Variants in PTPRK observed in about 807,000 individuals in gnomAD.
PTPRK encodes protein tyrosine phosphatase receptor type K.
In PTPRK, 75 loss-of-function variants were observed where a neutral mutation model predicts 178.0. That is an observed-to-expected ratio of 0.42 (90% CI 0.35 to 0.51). The LOEUF is 0.51. PTPRK is among the 20% of genes least tolerant of loss of function. The pLI is 0.02. For missense variants in PTPRK, 1,441 were observed against 1,797.8 expected (o/e 0.80, Z 3.59); for synonymous variants, 637 against 620.6 (o/e 1.03, Z -0.39).
chr6:128,341,222 G>A (rs1273447641), intron 2 of PTPRK, among the ~76,000 whole-genome samples: 2 of 151,858 alleles, frequency 1.3e-5, no homozygotes, highest in Non-Finnish European at 2.9e-5. Context: ...TGCAAATAAT[G>A]CCTCTGAATT....
chr6:128,399,449 G>A (rs2128370389), intron 1 of PTPRK, among the ~76,000 whole-genome samples: 1 of 152,154 alleles, frequency 6.6e-6, no homozygotes, highest in African/African-American at 2.4e-5. Flanking sequence ...CCTTAATATT[G>A]TCTTTTAAAT....
intron 5 of PTPRK, among the ~76,000 whole-genome samples, chr6:128,227,879 G>A (rs1811622753): frequency 6.6e-6 from 1 of 151,840 alleles, no homozygotes. Flanking sequence ...TTAATTACTA[G>A]AAATTATGAG....
intron 13 of PTPRK, among the ~76,000 whole-genome samples, chr6:128,029,360 TA>T: frequency 6.6e-6 from 1 of 152,016 alleles, no homozygotes; most frequent in South Asian, 2.1e-4. Flanking sequence ...CTTCTCTTTA[TA>T]AACTACCCAG....
At chr6:128,400,361 C>T (rs1455181202) in intron 1 of PTPRK, among the ~76,000 whole-genome samples, 1 of 152,058 alleles carries the variant, frequency 6.6e-6, no homozygotes, top group South Asian at 2.1e-4. Context: ...TCTAAAGGAA[C>T]ATCATATGTT....
intron 7 of PTPRK, among the ~76,000 whole-genome samples, chr6:128,137,554 G>A (rs1384583453): frequency 6.6e-6 from 1 of 152,070 alleles, no homozygotes; most frequent in African/African-American, 2.4e-5. Flanking sequence ...ACTACGAACA[G>A]ATATCTCTTT....
At chr6:128,108,082 AC>A (rs1790029358) in intron 7 of PTPRK, among the ~76,000 whole-genome samples, 1 of 141,220 alleles carries the variant, frequency 7.1e-6, no homozygotes, top group African/African-American at 2.5e-5. Flanking sequence ...ACACACACAC[AC>A]ACACACACAC....
chr6:128,039,410 G>A (rs937608562), intron 13 of PTPRK, among the ~76,000 whole-genome samples: 2 of 152,070 alleles, frequency 1.3e-5, no homozygotes, highest in Non-Finnish European at 2.9e-5. Context: ...AAATAAGTCT[G>A]AAAAGAAATG....
chr6:128,322,439 C>A, intron 2 of PTPRK, 129 bp from the exon 3 acceptor site: 1 of 815,806 alleles, frequency 1.2e-6, no homozygotes. Context: ...AGAACACAGC[C>A]ACAGAAATAC....
chr6:128,062,018 C>T (rs1780923254), intron 13 of PTPRK: 2 of 152,134 alleles, frequency 1.3e-5, no homozygotes, highest in Non-Finnish European at 2.9e-5. Flanking sequence ...TGCCTCTTCC[C>T]AGTCATATGA....
chr6:128,010,590 T>C (rs544508560), intron 13 of PTPRK, among the ~76,000 whole-genome samples: 4 of 151,378 alleles, frequency 2.6e-5, no homozygotes, highest in South Asian at 4.1e-4. Context: ...AGGTTAACTA[T>C]TAATTTCTCA....
At chr6:128,214,249 T>C (rs984451464) in intron 6 of PTPRK, among the ~76,000 whole-genome samples, 1 of 152,068 alleles carries the variant, frequency 6.6e-6, no homozygotes, top group Non-Finnish European at 1.5e-5. Context: ...ATAAAGCAAG[T>C]GATTCCATGA....
At chr6:128,306,163 T>C (rs1333701283) in intron 3 of PTPRK, among the ~76,000 whole-genome samples, 1 of 152,134 alleles carries the variant, frequency 6.6e-6, no homozygotes, top group Non-Finnish European at 1.5e-5. Context: ...AGATGAGAAT[T>C]GGGTGGTGAC....
chr6:128,417,812 G>A (rs548197779), intron 1 of PTPRK, among the ~76,000 whole-genome samples: 5 of 152,164 alleles, frequency 3.3e-5, no homozygotes, highest in African/African-American at 1.2e-4. Context: ...AATTCCACAG[G>A]GAATCTTACG....
chr6:128,343,983 T>C (rs1376555976), intron 2 of PTPRK, among the ~76,000 whole-genome samples: 1 of 152,204 alleles, frequency 6.6e-6, no homozygotes, highest in Non-Finnish European at 1.5e-5. Context: ...TTCGTAACAC[T>C]TCCCTCTTTA....
chr6:128,422,282 C>T (rs1843569730), intron 1 of PTPRK, among the ~76,000 whole-genome samples: 1 of 152,088 alleles, frequency 6.6e-6, no homozygotes, highest in Non-Finnish European at 1.5e-5. Context: ...TCTCCCCCAC[C>T]TTCTCCCAAC....
intron 15 of PTPRK, among the ~76,000 whole-genome samples, chr6:128,004,506 A>T (rs1778202591): frequency 6.6e-6 from 1 of 151,826 alleles, no homozygotes. Context: ...GATGAATTTC[A>T]CTATGCCTTG....
intron 2 of PTPRK, among the ~76,000 whole-genome samples, chr6:128,366,481 A>G (rs1459270075): frequency 6.6e-6 from 1 of 152,176 alleles, no homozygotes; most frequent in Non-Finnish European, 1.5e-5. Flanking sequence ...ATCTCCATTT[A>G]CTAAGCATCT....
intron 3 of PTPRK, among the ~76,000 whole-genome samples, chr6:128,269,572 T>G (rs1361964847): frequency 6.6e-6 from 1 of 151,580 alleles, no homozygotes; most frequent in Non-Finnish European, 1.5e-5. Flanking sequence ...TTCTCCAAAG[T>G]CAGTTAAAGT....
At chr6:128,134,949 C>G (rs1246446420) in intron 7 of PTPRK, among the ~76,000 whole-genome samples, 1 of 152,116 alleles carries the variant, frequency 6.6e-6, no homozygotes. Context: ...AGGAAGAAAT[C>G]TGACTCTAGA....
Sources: allele counts gnomAD v4.1 joint callset (sites outside exome capture counted in the v4.1 genomes callset), GRCh38; gene constraint gnomAD v4.1.1; transcripts MANE v1.5; gene names NCBI Gene and HGNC (gene_info 2026-07-23, HGNC 2026-07-21).